CPNE4: variants seen among roughly 807,000 people sequenced by gnomAD.
CPNE4 encodes copine-4.
A neutral mutation model predicts 67.9 loss-of-function variants in CPNE4; 25 were observed. The ratio of observed to expected loss-of-function variants is 0.37; its 90% CI spans 0.27 to 0.51. The LOEUF (loss-of-function observed/expected upper bound fraction) is 0.51, where lower values mean the gene tolerates loss of function less well. CPNE4 is among the 20% of genes least tolerant of loss of function. The pLI, the probability that CPNE4 is intolerant of heterozygous loss-of-function variation, is 0.93. For synonymous variants in CPNE4, 242 were observed against 244.9 expected (o/e 0.99, Z 0.11); for missense variants, 464 against 690.8 (o/e 0.67, Z 3.68).
Position 131,546,660 on chromosome 3 carries a change from AT to A in CPNE4, c.1302+3286del, listed in dbSNP as rs1378010507. Among the ~76,000 whole-genome samples, 3 of 152,290 alleles carry A rather than the reference AT, an allele frequency of 2.0e-5. No individual in the cohort carries two copies. In the East Asian group the frequency reaches 5.8e-4, roughly 29 times the overall value. On this transcript the variant is annotated intron_variant, in intron 14 of 15. Coordinates refer to ENST00000429747, the MANE Select transcript of CPNE4 (RefSeq NM_130808.3). Reference sequence around the variant, plus strand: ...CTGTCCTTTCATTGCAGACCCAGCTATCCCTGAGGGAGTGAGTGATGGCCAA... The same window carrying A: ...CTGTCCTTTCATTGCAGACCCAGCTACCCTGAGGGAGTGAGTGATGGCCAA...
intron 1 of CPNE4, among the ~76,000 whole-genome samples, chr3:131,974,226 G>C (rs1392985212): frequency 6.6e-6 from 1 of 152,146 alleles, no homozygotes; most frequent in African/African-American, 2.4e-5. Context: ...AGAGGTTAAT[G>C]AAAGTCCTTA....
intron 7 of CPNE4, among the ~76,000 whole-genome samples, chr3:131,645,333 C>T (rs1307593824): frequency 6.6e-6 from 1 of 152,182 alleles, no homozygotes; most frequent in Non-Finnish European, 1.5e-5. Flanking sequence ...GCAGGAGGGG[C>T]TGGTGCCTCA....
intron 2 of CPNE4, among the ~76,000 whole-genome samples, chr3:131,765,290 A>T (rs2082982710): frequency 6.6e-6 from 1 of 152,168 alleles, no homozygotes; most frequent in Non-Finnish European, 1.5e-5. Context: ...TTTCTGTGCT[A>T]AACTTACTGG....
In CPNE4 at chr3:131,993,201, A is replaced by G. The variant is rs2073208820; in HGVS notation, c.-2+41366T>C. 1.5e-5 allele frequency among the ~76,000 whole-genome samples: 2 copies of G among 135,598 alleles called. 1 individual carries two copies. Among genetic ancestry groups the G allele is most frequent in the Non-Finnish European group, 3.3e-5 (2 of 59,808 alleles). 89.0% of individuals were successfully genotyped at this position (135,598 alleles called of 152,430 possible). ...ATAAAAAATCGTTCTGTTCTCTATC[A>G]CTTCACTCATGAAAGTATCACAAGT... is the stretch of plus-strand genomic sequence containing the variant. On this transcript the variant is annotated intron_variant, in intron 1 of 15. Transcript: ENST00000429747.
At chr3:131,891,627 A>G (rs374294621) in intron 2 of CPNE4, among the ~76,000 whole-genome samples, 114 of 152,066 alleles carry the variant, frequency 7.5e-4, no homozygotes, top group African/African-American at 2.7e-3. Flanking sequence ...CTATGTGTAC[A>G]TGTGTTCTCA....
At chr3:131,762,114 G>A (rs2082903835) in intron 2 of CPNE4, among the ~76,000 whole-genome samples, 1 of 151,852 alleles carries the variant, frequency 6.6e-6, no homozygotes, top group Non-Finnish European at 1.5e-5. Context: ...TAAGATACAT[G>A]ACTCCTGCCC....
chr3:131,913,193 C>G (rs768370427), intron 1 of CPNE4, among the ~76,000 whole-genome samples: 21 of 152,030 alleles, frequency 1.4e-4, no homozygotes, highest in Non-Finnish European at 2.8e-4. Flanking sequence ...CACACTGTCT[C>G]TCTAAAATAA....
At chr3:132,012,841 A>T (rs971377190) in intron 1 of CPNE4, among the ~76,000 whole-genome samples, 1 of 152,230 alleles carries the variant, frequency 6.6e-6, no homozygotes, top group African/African-American at 2.4e-5. Context: ...AGAGTCTGCT[A>T]GTCAGGTGGT....
intron 7 of CPNE4, among the ~76,000 whole-genome samples, chr3:131,593,699 A>G (rs1938671653): frequency 6.6e-6 from 1 of 151,850 alleles, no homozygotes; most frequent in South Asian, 2.1e-4. Flanking sequence ...TTCCAGGACT[A>G]TGGTTTGTTT....
intron 1 of CPNE4, among the ~76,000 whole-genome samples, chr3:131,951,516 C>CTCTCCCTCTCCT (rs2071719370): frequency 6.6e-6 from 1 of 152,072 alleles, no homozygotes; most frequent in East Asian, 1.9e-4. Flanking sequence ...TTCTTCAGCC[C>CTCTCCCTCTCCT]TCTCCCTCTC....
chr3:132,009,599 C>T (rs2073698460), intron 1 of CPNE4, among the ~76,000 whole-genome samples: 1 of 152,130 alleles, frequency 6.6e-6, no homozygotes, highest in Admixed American at 6.5e-5. Flanking sequence ...ATGACACACT[C>T]CAGGATGTCA....
chr3:131,887,024 A>G (rs1020095412), intron 2 of CPNE4, among the ~76,000 whole-genome samples: 1 of 152,164 alleles, frequency 6.6e-6, no homozygotes, highest in Non-Finnish European at 1.5e-5. Context: ...ATGTGAGGAC[A>G]TGAGATTTGG....
chr3:131,680,915 A>G (rs974410787), intron 6 of CPNE4, among the ~76,000 whole-genome samples: 1 of 152,156 alleles, frequency 6.6e-6, no homozygotes, highest in Admixed American at 6.6e-5. Context: ...AGAACATATA[A>G]TATTTGGTTT....
At chr3:131,944,215 C>T (rs930742361) in intron 1 of CPNE4, among the ~76,000 whole-genome samples, 1 of 146,404 alleles carries the variant, frequency 6.8e-6, no homozygotes, top group Non-Finnish European at 1.5e-5. Flanking sequence ...AACCTCTTTC[C>T]TCTCTCTCTT....
chr3:131,661,681 C>A (rs2080129431), intron 7 of CPNE4, among the ~76,000 whole-genome samples: 1 of 152,020 alleles, frequency 6.6e-6, no homozygotes, highest in African/African-American at 2.4e-5. Flanking sequence ...CTCTTGAGTC[C>A]AGAAGGCCAT....
intron 1 of CPNE4, among the ~76,000 whole-genome samples, chr3:131,948,336 C>T (rs2071621270): frequency 6.6e-6 from 1 of 152,136 alleles, no homozygotes; most frequent in African/African-American, 2.4e-5. Context: ...CCCCTTCTTG[C>T]ACTCACTCTG....
chr3:131,984,283 T>C (rs1208945508), intron 1 of CPNE4, among the ~76,000 whole-genome samples: 1 of 152,336 alleles, frequency 6.6e-6, no homozygotes, highest in East Asian at 1.9e-4. Context: ...ACTTATCTTT[T>C]ATCATATTAG....
chr3:131,932,872 T>C (rs1290631739), intron 1 of CPNE4, among the ~76,000 whole-genome samples: 1 of 152,092 alleles, frequency 6.6e-6, no homozygotes, highest in Non-Finnish European at 1.5e-5. Context: ...ACAAAAATAA[T>C]TAGCCAGGTG....
At chr3:131,848,033 T>A (rs952060213) in intron 2 of CPNE4, among the ~76,000 whole-genome samples, 30 of 152,294 alleles carry the variant, frequency 2.0e-4, no homozygotes, top group African/African-American at 7.0e-4. Flanking sequence ...TTTTGTCAGA[T>A]AGTACCCCTC....
Sources: allele counts gnomAD v4.1 joint callset (sites outside exome capture counted in the v4.1 genomes callset), GRCh38; gene constraint gnomAD v4.1.1; transcripts MANE v1.5; gene names NCBI Gene and HGNC (gene_info 2026-07-23, HGNC 2026-07-21).